Variants in COL13A1 observed in about 807,000 individuals in gnomAD.
COL13A1 encodes collagen alpha-1(XIII) chain.
Under a neutral mutation model 130.9 loss-of-function variants are expected in COL13A1, and 89 were observed. The ratio of observed to expected loss-of-function variants is 0.68; its 90% CI spans 0.57 to 0.81. The LOEUF (loss-of-function observed/expected upper bound fraction) is 0.81. Ranked by LOEUF, COL13A1 falls within the 30% of genes least tolerant of loss-of-function variation. The pLI, the probability that COL13A1 is intolerant of heterozygous loss-of-function variation, is 0.00. For missense variants in COL13A1, 879 were observed against 934.6 expected (o/e 0.94, Z 0.78); for synonymous variants, 402 against 341.6 (o/e 1.18, Z -1.95).
chr10:69,914,526 A>C (rs1350378822), intron 17 of COL13A1, among the ~76,000 whole-genome samples: 2 of 152,174 alleles, frequency 1.3e-5, no homozygotes, highest in Non-Finnish European at 2.9e-5. Flanking sequence ...AGCTCCTCGA[A>C]ATGGAGGTGG....
intron 17 of COL13A1, among the ~76,000 whole-genome samples, chr10:69,915,240 G>A (rs1589486478): frequency 1.3e-5 from 2 of 152,352 alleles, no homozygotes; most frequent in Middle Eastern, 6.8e-3. Context: ...TTTCAGTCCA[G>A]TGCAGACACA....
At chr10:69,815,454 G>A (rs1844223333) in intron 1 of COL13A1, among the ~76,000 whole-genome samples, 1 of 152,200 alleles carries the variant, frequency 6.6e-6, no homozygotes, top group Non-Finnish European at 1.5e-5. Flanking sequence ...GCCAGCAGGG[G>A]CAAAACAGGA....
chr10:69,812,669 T>C (rs1589169502), intron 1 of COL13A1, among the ~76,000 whole-genome samples: 1 of 152,220 alleles, frequency 6.6e-6, no homozygotes, highest in African/African-American at 2.4e-5. Flanking sequence ...ATGTAATGGG[T>C]TGCAGTGAGT....
chr10:69,806,263 G>T (rs1243771275), intron 1 of COL13A1, among the ~76,000 whole-genome samples: 1 of 152,270 alleles, frequency 6.6e-6, no homozygotes, highest in Admixed American at 6.5e-5. Flanking sequence ...GAGGCACACG[G>T]CCTGTGCAAT....
At chr10:69,842,586 C>T (rs1194602192) in intron 2 of COL13A1, among the ~76,000 whole-genome samples, 2 of 152,220 alleles carry the variant, frequency 1.3e-5, no homozygotes, top group Non-Finnish European at 2.9e-5. Context: ...ACATCATCCC[C>T]ACCCAAACGC....
chr10:69,894,479 C>A (rs1446388188), intron 10 of COL13A1, 73 bp from the exon 11 acceptor site: 7 of 1,583,060 alleles, frequency 4.4e-6, no homozygotes, highest in Non-Finnish European at 6.0e-6. Flanking sequence ...AGCCCCAATC[C>A]CCACCCAGGC....
chr10:69,848,971 T>G (rs949847667), intron 2 of COL13A1, among the ~76,000 whole-genome samples: 1 of 152,196 alleles, frequency 6.6e-6, no homozygotes, highest in Non-Finnish European at 1.5e-5. Context: ...GCCTCTGTAC[T>G]CAGACACCCA....
At chr10:69,838,729 A>G (rs1850775325) in intron 2 of COL13A1, among the ~76,000 whole-genome samples, 1 of 152,248 alleles carries the variant, frequency 6.6e-6, no homozygotes, top group African/African-American at 2.4e-5. Context: ...CCCCTGCTGT[A>G]TACAGAGCGC....
chr10:69,915,355 C>A (rs575537795), intron 17 of COL13A1, among the ~76,000 whole-genome samples: 37 of 152,294 alleles, frequency 2.4e-4, no homozygotes, highest in Admixed American at 9.1e-4. Flanking sequence ...ATGGTAACTT[C>A]CTGAATTTAG....
At chr10:69,838,223 A>T (rs1019672398) in intron 2 of COL13A1, among the ~76,000 whole-genome samples, 4 of 152,204 alleles carry the variant, frequency 2.6e-5, no homozygotes, top group African/African-American at 7.2e-5. Flanking sequence ...CCTAGACAGG[A>T]TCTGGTAGGA....
Position 69,920,703 on chromosome 10 carries a change from C to G in COL13A1, c.1089+976C>G, listed in dbSNP as rs557366545. On this transcript the variant is annotated intron_variant, in intron 21 of 40. Transcript: ENST00000645393. ...CCTGGCCATACTGGCACCCTGATCT[C>G]AGACTTCCAGCATCCAGAACTGTAA... Among the ~76,000 whole-genome samples the G allele has an allele frequency of 5.3e-5, 8 of 152,254 alleles. 2 individuals carry two copies. In the South Asian group the frequency reaches 1.7e-3, roughly 32 times the overall value.
chr10:69,870,562 C>A (rs2058968860), intron 3 of COL13A1, among the ~76,000 whole-genome samples: 1 of 151,670 alleles, frequency 6.6e-6, no homozygotes, highest in African/African-American at 2.4e-5. Flanking sequence ...CTCAAGCCAT[C>A]CTCCTGCCTC....
intron 7 of COL13A1, among the ~76,000 whole-genome samples, chr10:69,882,530 C>T (rs1353023406): frequency 6.6e-6 from 1 of 152,354 alleles, no homozygotes. Context: ...GTCTCCTTCA[C>T]AGCTGTGAGG....
chr10:69,879,615 GCGTTTC>G (rs1250665871), intron 6 of COL13A1, among the ~76,000 whole-genome samples: 4 of 152,300 alleles, frequency 2.6e-5, no homozygotes, highest in Admixed American at 1.3e-4. Context: ...TTTCCAAAAT[GCGTTTC>G]CCGTAAGGGC....
intron 17 of COL13A1, among the ~76,000 whole-genome samples, chr10:69,914,104 G>T (rs886756202): frequency 1.3e-5 from 2 of 152,124 alleles, no homozygotes; most frequent in East Asian, 1.9e-4. Flanking sequence ...CTCACGCTCC[G>T]GGGTTTTGCT....
At chr10:69,902,645 G>A (rs990463099) in intron 14 of COL13A1, 103 bp from the exon 15 acceptor site, 9 of 897,740 alleles carry the variant, frequency 1.0e-5, no homozygotes, top group South Asian at 1.8e-5. Context: ...CTCCTTCCCG[G>A]CAGAAATCAC....
Position 69,802,527 on chromosome 10 carries a change from G to A in COL13A1, c.104G>A (p.Arg35His). Residue 35 changes from arginine to histidine, a missense_variant, in exon 1 of 41, where the codon CGC becomes CAC. By Grantham distance (29) the Arg-to-His change is conservative. Around this residue, in one of 3 missense-constraint regions of COL13A1, gnomAD observed 715 missense variants for 721.0 expected, o/e 0.99. Coordinates refer to ENST00000645393, the MANE Select transcript of COL13A1 (RefSeq NM_001368882.1). Reference sequence around the variant, plus strand: ...GCTCTGGTGGCGGCGCGGGCGGAGCGCGGCGCACGGCTGCCGAGTCCAGGG... The same window carrying A: ...GCTCTGGTGGCGGCGCGGGCGGAGCACGGCGCACGGCTGCCGAGTCCAGGG... ...TVALVAARAE[R>H]GARLPSPGSC... 6.3e-7 allele frequency: 1 copy of A among 1,578,842 alleles called. No individual in the cohort carries two copies. Among genetic ancestry groups the A allele is most frequent in the Non-Finnish European group, 8.6e-7 (1 of 1,166,042 alleles).
intron 7 of COL13A1, among the ~76,000 whole-genome samples, chr10:69,885,252 T>C (rs2060495466): frequency 6.6e-6 from 1 of 152,144 alleles, no homozygotes; most frequent in Non-Finnish European, 1.5e-5. Context: ...AAATGCCAAA[T>C]TAGAAAGAAT....
chr10:69,813,505 A>G (rs1247936867), intron 1 of COL13A1, among the ~76,000 whole-genome samples: 3 of 152,144 alleles, frequency 2.0e-5, no homozygotes, highest in African/African-American at 7.2e-5. Context: ...CAGAGGCAGT[A>G]TGTGGTATCT....
Sources: gnomAD v4.1 joint callset for allele counts (sites outside exome capture counted in the v4.1 genomes callset) on GRCh38, gnomAD v4.1.1 for gene constraint, gnomAD v4.1.1 regional missense constraint, MANE v1.5 for transcripts, NCBI Gene and HGNC (gene_info 2026-07-23, HGNC 2026-07-21) for gene names.